Variants in CHRM3 observed in about 807,000 individuals in gnomAD.
CHRM3 encodes muscarinic acetylcholine receptor M3.
A neutral mutation model predicts 41.8 loss-of-function variants in CHRM3; 11 were observed. The ratio of observed to expected loss-of-function variants is 0.26; its 90% confidence interval spans 0.17 to 0.44. The LOEUF is 0.44. Ranked by LOEUF, CHRM3 falls within the 20% of genes least tolerant of loss-of-function variation. The probability of loss-of-function intolerance (pLI) is 1.00; values close to 1 mark genes in which losing one functional copy is unlikely to be tolerated. For missense variants in CHRM3, 571 were observed against 745.4 expected, an observed-to-expected ratio of 0.77 and a Z score of 2.72; for synonymous variants, 297 against 301.4, an observed-to-expected ratio of 0.99 and a Z score of 0.15.
At chr1:239,707,605 A>G (rs1250830174) in intron 5 of CHRM3, 2 of 152,218 alleles carry the variant, frequency 1.3e-5, no homozygotes, top group African/African-American at 4.8e-5. Flanking sequence ...TTGGGCCTGC[A>G]GAGACATACA....
intron 5 of CHRM3, among the ~76,000 whole-genome samples, chr1:239,769,370 T>C (rs1246984248): frequency 2.0e-5 from 3 of 152,194 alleles, no homozygotes; most frequent in African/African-American, 7.2e-5. Context: ...GCCTCAGAGC[T>C]AAGAACTTTA....
chr1:239,661,590 T>A (rs1344462816), intron 4 of CHRM3, among the ~76,000 whole-genome samples: 4 of 152,132 alleles, frequency 2.6e-5, no homozygotes, highest in Non-Finnish European at 4.4e-5. Flanking sequence ...ATTCTGACAA[T>A]ATGATATTCT....
At chr1:239,873,210 A>G (rs982829553) in intron 6 of CHRM3, among the ~76,000 whole-genome samples, 8 of 152,264 alleles carry the variant, frequency 5.3e-5, no homozygotes, top group African/African-American at 1.7e-4. Flanking sequence ...ACCATTCCAT[A>G]TAAGTGCTGG....
At chr1:239,841,896 A>C (rs529113686) in intron 6 of CHRM3, among the ~76,000 whole-genome samples, 1 of 152,226 alleles carries the variant, frequency 6.6e-6, no homozygotes, top group South Asian at 2.1e-4. Context: ...GCAAAATTAA[A>C]TTATATAATA....
rs530454622 is a variant in CHRM3, at chr1:239,709,963, A to T, written c.-147+31675A>T. ...ACATGAAGCATCATTGTATCATGAG[A>T]TATTACTAAAGGTAACTCTGCAGTC... is the stretch of plus-strand genomic sequence containing the variant. On this transcript the variant is annotated intron_variant, in intron 5 of 6. Coordinates refer to ENST00000676153, the MANE Select transcript of CHRM3 (RefSeq NM_001375978.1). Among the ~76,000 whole-genome samples the T allele has an allele frequency of 3.3e-5, 5 of 152,338 alleles. No homozygotes were observed. In the South Asian group the frequency reaches 1.0e-3, roughly 32 times the overall value.
At chr1:239,889,479 G>A (rs1045321391) in intron 6 of CHRM3, among the ~76,000 whole-genome samples, 7 of 152,104 alleles carry the variant, frequency 4.6e-5, no homozygotes, top group South Asian at 2.1e-4. Flanking sequence ...CACAGCTGCC[G>A]GCGTTCCCCT....
intron 6 of CHRM3, among the ~76,000 whole-genome samples, chr1:239,856,557 C>G (rs1675137411): frequency 6.6e-6 from 1 of 151,774 alleles, no homozygotes; most frequent in Non-Finnish European, 1.5e-5. Context: ...AATTGTGAAC[C>G]AATTAAACCT....
At chr1:239,802,401 G>C (rs923417570) in intron 5 of CHRM3, among the ~76,000 whole-genome samples, 2 of 152,126 alleles carry the variant, frequency 1.3e-5, no homozygotes, top group Non-Finnish European at 2.9e-5. Context: ...AATACAGCAG[G>C]AGCTGAAAAC....
At chr1:239,715,363 G>T (rs1222968252) in intron 5 of CHRM3, among the ~76,000 whole-genome samples, 1 of 152,084 alleles carries the variant, frequency 6.6e-6, no homozygotes, top group Non-Finnish European at 1.5e-5. Flanking sequence ...TTTTGAGAAG[G>T]CGTGTGTGCA....
intron 1 of CHRM3, among the ~76,000 whole-genome samples, chr1:239,424,837 T>C (rs1408874111): frequency 6.6e-6 from 1 of 152,184 alleles, no homozygotes; most frequent in East Asian, 1.9e-4. Context: ...TTAAGCCACA[T>C]CCAGGAGTGC....
chr1:239,858,876 A>G (rs913363309), intron 6 of CHRM3, among the ~76,000 whole-genome samples: 5 of 152,236 alleles, frequency 3.3e-5, no homozygotes, highest in Admixed American at 3.3e-4. Context: ...ATTGGTGTCT[A>G]GCTTCTTTTG....
intron 6 of CHRM3, among the ~76,000 whole-genome samples, chr1:239,859,819 T>TTATATATATATATATATATATATATA (rs55700294): frequency 7.6e-6 from 1 of 131,424 alleles, no homozygotes; most frequent in Non-Finnish European, 1.6e-5. Flanking sequence ...TCTAAGTGTT[T>TTATATATATATATATATATATATATA]TATATATATA....
At chr1:239,516,275 T>C (rs186705013) in intron 2 of CHRM3, among the ~76,000 whole-genome samples, 6,859 of 152,256 alleles carry the variant, frequency 0.045, 169 homozygotes, top group African/African-American at 0.06. Flanking sequence ...GAGCTGTATG[T>C]TAAGAAATTT....
At chr1:239,453,099 C>T (rs1374141394) in intron 1 of CHRM3, among the ~76,000 whole-genome samples, 1 of 152,196 alleles carries the variant, frequency 6.6e-6, no homozygotes, top group African/African-American at 2.4e-5. Context: ...CGCGCCCGGC[C>T]CAGGCTTGCT....
At chr1:239,516,073 T>G (rs904291357) in intron 2 of CHRM3, among the ~76,000 whole-genome samples, 3 of 152,196 alleles carry the variant, frequency 2.0e-5, no homozygotes, top group Non-Finnish European at 4.4e-5. Context: ...CTCTCTCATC[T>G]AGATTGCCAG....
At chr1:239,780,755 G>A (rs527265956) in intron 5 of CHRM3, among the ~76,000 whole-genome samples, 1 of 152,024 alleles carries the variant, frequency 6.6e-6, no homozygotes, top group African/African-American at 2.4e-5. Context: ...TTTACATTTA[G>A]ATATGTGATT....
At chr1:239,876,099 G>A (rs1352343507) in intron 6 of CHRM3, among the ~76,000 whole-genome samples, 4 of 152,250 alleles carry the variant, frequency 2.6e-5, no homozygotes, top group South Asian at 2.1e-4. Context: ...TTCAAAACCC[G>A]AAAGTGGCAA....
intron 6 of CHRM3, among the ~76,000 whole-genome samples, chr1:239,882,020 C>T (rs1343283657): frequency 6.6e-6 from 1 of 150,510 alleles, no homozygotes; most frequent in East Asian, 1.9e-4. Flanking sequence ...ATTCTCCTGC[C>T]TCAGCCTCCT....
chr1:239,388,008 G>A (rs931772143), intron 1 of CHRM3, among the ~76,000 whole-genome samples: 17 of 152,162 alleles, frequency 1.1e-4, no homozygotes, highest in Admixed American at 3.3e-4. Flanking sequence ...GACTCCAGCA[G>A]CAGAATTCAC....
Sources: allele counts gnomAD v4.1 joint callset (sites outside exome capture counted in the v4.1 genomes callset), GRCh38; gene constraint gnomAD v4.1.1; transcripts MANE v1.5; gene names NCBI Gene and HGNC (gene_info 2026-07-23, HGNC 2026-07-21).